WDR70: variants seen among roughly 807,000 people sequenced by gnomAD.
WDR70 encodes WD repeat-containing protein 70.
A neutral mutation model predicts 88.6 loss-of-function variants in WDR70; 53 were observed. The ratio of observed to expected loss-of-function variants is 0.60; its 90% CI spans 0.48 to 0.75. The LOEUF is 0.75. Among genes scored for constraint, WDR70 ranks in the 30% least tolerant of loss-of-function variants. The pLI is 0.00. For missense variants in WDR70, 610 were observed against 823.2 expected (o/e 0.74, Z 3.17); for synonymous variants, 280 against 270.0 (o/e 1.04, Z -0.36).
At chr5:37,508,106 AG>A (rs1161224551) in intron 8 of WDR70, among the ~76,000 whole-genome samples, 1 of 152,122 alleles carries the variant, frequency 6.6e-6, no homozygotes, top group African/African-American at 2.4e-5. Context: ...AGTTAACTGT[AG>A]GTTTTTTGTA....
chr5:37,386,953 C>T (rs1301815199), intron 3 of WDR70, among the ~76,000 whole-genome samples: 1 of 151,960 alleles, frequency 6.6e-6, no homozygotes, highest in Non-Finnish European at 1.5e-5. Context: ...CAAAAATTAA[C>T]CGGGTGTGGG....
chr5:37,728,199 T>A (rs1313587624), intron 17 of WDR70, among the ~76,000 whole-genome samples: 2 of 151,590 alleles, frequency 1.3e-5, no homozygotes. Flanking sequence ...AACACAAAAA[T>A]TAGCCAGGTG....
intron 10 of WDR70, among the ~76,000 whole-genome samples, chr5:37,619,257 G>T (rs1277598598): frequency 6.7e-6 from 1 of 148,756 alleles, no homozygotes; most frequent in Non-Finnish European, 1.5e-5. Context: ...GCAATATGGA[G>T]TAAATGCTCC....
At position 37,506,530 on chromosome 5, in the gene WDR70, T is replaced by C. The variant is rs1740566246; in HGVS notation, c.841-9984T>C. 11 of 770,760 alleles carry C rather than the reference T, an allele frequency of 1.4e-5. No individual in the cohort carries two copies. In the South Asian group the frequency reaches 1.5e-4, roughly 10 times the overall value. The allele number at this position is 770,760 out of a possible 1,614,324, so 47.7% of individuals were successfully genotyped here. The stretch of plus-strand genomic sequence containing the variant: ...TGGGCCAGCATACTGTCAGGTTCTT[T>C]ATTCGCTAAAGTGCTCCGTGTAGTT... On this transcript the variant is annotated intron_variant, in intron 8 of 17. Coordinates refer to ENST00000265107, the MANE Select transcript of WDR70 (RefSeq NM_018034.4).
intron 9 of WDR70, among the ~76,000 whole-genome samples, chr5:37,534,418 C>T (rs759866405): frequency 6.6e-6 from 1 of 151,774 alleles, no homozygotes; most frequent in Non-Finnish European, 1.5e-5. Flanking sequence ...CTTTAGTTCC[C>T]TGTCCAAATC....
At chr5:37,490,856 G>A (rs1581332444) in intron 8 of WDR70, among the ~76,000 whole-genome samples, 1 of 152,082 alleles carries the variant, frequency 6.6e-6, no homozygotes, top group East Asian at 1.9e-4. Flanking sequence ...CTGCTGTGCT[G>A]GGTCCAACTG....
intron 9 of WDR70, among the ~76,000 whole-genome samples, chr5:37,525,994 G>A (rs565771712): frequency 3.9e-5 from 6 of 152,234 alleles, no homozygotes; most frequent in Non-Finnish European, 7.4e-5. Context: ...ATAATTAGTA[G>A]CCTACCAACC....
intron 4 of WDR70, among the ~76,000 whole-genome samples, 181 bp from the exon 5 acceptor site, chr5:37,396,194 A>G (rs201694834): frequency 7.1e-6 from 1 of 141,240 alleles, no homozygotes; most frequent in African/African-American, 2.6e-5. Context: ...GGTTTTTTTT[A>G]ACTTTCTTAA....
At chr5:37,572,909 TCTAA>T (rs982613558) in intron 9 of WDR70, among the ~76,000 whole-genome samples, 1 of 152,222 alleles carries the variant, frequency 6.6e-6, no homozygotes, top group African/African-American at 2.4e-5. Context: ...ATAATCTTGT[TCTAA>T]CTCTTTTTAA....
At chr5:37,602,529 C>T (rs113794758) in intron 9 of WDR70, among the ~76,000 whole-genome samples, 6,079 of 149,902 alleles carry the variant, frequency 0.041, 439 homozygotes, top group African/African-American at 0.14. Context: ...ATCACTTAAA[C>T]GTGGGAGAAT....
intron 7 of WDR70, among the ~76,000 whole-genome samples, chr5:37,456,341 A>G (rs1438118406): frequency 6.6e-6 from 1 of 152,162 alleles, no homozygotes; most frequent in Non-Finnish European, 1.5e-5. Context: ...AATTTCCCTG[A>G]TGATTAGTGA....
chr5:37,513,707 A>G (rs1441523938), intron 8 of WDR70, among the ~76,000 whole-genome samples: 1 of 152,166 alleles, frequency 6.6e-6, no homozygotes, highest in African/African-American at 2.4e-5. Context: ...GGAAACATCC[A>G]GCATGGGAGA....
chr5:37,534,006 T>C (rs189971024), intron 9 of WDR70, among the ~76,000 whole-genome samples: 1 of 152,310 alleles, frequency 6.6e-6, no homozygotes, highest in African/African-American at 2.4e-5. Context: ...GTGATCCAGT[T>C]ACCTCAAAGG....
At chr5:37,455,636 C>CTTTTTTTTTTTTTTTTTTTTTT (rs59254502) in intron 7 of WDR70, among the ~76,000 whole-genome samples, 2 of 70,420 alleles carry the variant, frequency 2.8e-5, no homozygotes, top group African/African-American at 4.6e-5. Flanking sequence ...TTCTCTTTAT[C>CTTTTTTTTTTTTTTTTTTTTTT]TTTTTTTTTT....
rs568756636 is a variant in WDR70, at chr5:37,697,786, C to A, written c.1192+32C>A. The A allele has an allele frequency of 2.0e-6, 3 of 1,537,534 alleles. No homozygotes were observed. The South Asian group carries it at 3.4e-5, about 17-fold the overall frequency. On this transcript the variant is annotated intron_variant, in intron 11 of 17. Coordinates refer to ENST00000265107, the MANE Select transcript of WDR70 (RefSeq NM_018034.4). The stretch of plus-strand genomic sequence containing the variant: ...TAAAAGCTTTCTTTTTGATGTATTT[C>A]TCTATATAAAATAATCATCTTTAAC...
At chr5:37,569,536 A>G (rs908960040) in intron 9 of WDR70, among the ~76,000 whole-genome samples, 6 of 152,320 alleles carry the variant, frequency 3.9e-5, no homozygotes, top group African/African-American at 1.4e-4. Context: ...TAAAAGGGGA[A>G]ACCACAGGAC....
intron 10 of WDR70, among the ~76,000 whole-genome samples, chr5:37,611,929 T>G (rs1351530648): frequency 6.6e-6 from 1 of 152,104 alleles, no homozygotes; most frequent in Admixed American, 6.6e-5. Flanking sequence ...AAGACTTGTA[T>G]AAGTTAAACA....
At chr5:37,478,338 G>T (rs1739549514) in intron 7 of WDR70, among the ~76,000 whole-genome samples, 1 of 152,186 alleles carries the variant, frequency 6.6e-6, no homozygotes, top group South Asian at 2.1e-4. Context: ...CCCTACTGTG[G>T]CATGTTAGGG....
At chr5:37,556,559 C>G (rs1467762729) in intron 9 of WDR70, among the ~76,000 whole-genome samples, 1 of 152,032 alleles carries the variant, frequency 6.6e-6, no homozygotes, top group East Asian at 1.9e-4. Flanking sequence ...TTTGAAATAC[C>G]AAATGCTTTA....
Sources: allele counts gnomAD v4.1 joint callset (sites outside exome capture counted in the v4.1 genomes callset), GRCh38; gene constraint gnomAD v4.1.1; transcripts MANE v1.5; gene names NCBI Gene and HGNC (gene_info 2026-07-23, HGNC 2026-07-21).